TAFA2: variants seen among roughly 807,000 people sequenced by gnomAD.
The protein encoded by TAFA2 is TAFA chemokine like family member 2, also known as chemokine-like protein TAFA-2.
TAFA2 carries 7 observed loss-of-function variants against 18.8 expected under a neutral mutation model. That is an observed-to-expected ratio of 0.37 (90% confidence interval 0.21 to 0.70). The LOEUF is 0.70. Among genes scored for constraint, TAFA2 ranks in the 30% least tolerant of loss-of-function variants. TAFA2 has a pLI of 0.53. For synonymous variants in TAFA2, 60 were observed against 54.2 expected, an observed-to-expected ratio of 1.11 and a Z score of -0.47; for missense variants, 122 against 158.1, an observed-to-expected ratio of 0.77 and a Z score of 1.23.
chr12:61,770,401 A>G (rs1348800692), intron 2 of TAFA2, among the ~76,000 whole-genome samples: 1 of 152,116 alleles, frequency 6.6e-6, no homozygotes, highest in Non-Finnish European at 1.5e-5. Flanking sequence ...TGGGAAATTC[A>G]TTGCAAAAAG....
rs374390097 is a variant in TAFA2, at chr12:61,875,152, T to C, written c.-1-7726A>G. On this transcript the variant is annotated intron_variant, in intron 1 of 4. Transcript: ENST00000416284. ...TGTACAAATATTATTACATATAATA[T>C]TGTAATGTATGTAACGAAAGCTAAA... Among the ~76,000 whole-genome samples, 7 of 152,270 alleles carry C rather than the reference T, an allele frequency of 4.6e-5. No individual in the cohort carries two copies. In the East Asian group the frequency reaches 7.7e-4, roughly 17 times the overall value.
intron 1 of TAFA2, among the ~76,000 whole-genome samples, chr12:62,163,113 G>C (rs2062416482): frequency 1.3e-5 from 2 of 152,024 alleles, no homozygotes; most frequent in South Asian, 4.1e-4. Flanking sequence ...CAGGACAATA[G>C]ACAGAGAACC....
rs996112446 is a variant in TAFA2, at chr12:62,019,738, G to A, written c.-1-152312C>T. Among the ~76,000 whole-genome samples the A allele has an allele frequency of 2.0e-5, 3 of 151,670 alleles. No homozygotes were observed. The East Asian group carries it at 5.8e-4, about 29-fold the overall frequency. On this transcript the variant is annotated intron_variant, in intron 1 of 4. Coordinates refer to ENST00000416284, the MANE Select transcript of TAFA2 (RefSeq NM_178539.5). ...AATGTTAAATGACGAGTTAATGGGT[G>A]CAGCACACCAACATGGCACATGTAT...
chr12:61,941,251 A>C (rs180915140), intron 1 of TAFA2, among the ~76,000 whole-genome samples: 12 of 152,330 alleles, frequency 7.9e-5, no homozygotes, highest in Non-Finnish European at 1.3e-4. Context: ...CATGGTAAAA[A>C]AGTATTTTCG....
chr12:62,049,079 G>A (rs866036376), intron 1 of TAFA2, among the ~76,000 whole-genome samples: 3 of 152,184 alleles, frequency 2.0e-5, no homozygotes, highest in African/African-American at 7.2e-5. Context: ...ACTTTGATAA[G>A]TCTCATTAGG....
chr12:62,106,730 T>G (rs1244575081), intron 1 of TAFA2, among the ~76,000 whole-genome samples: 1 of 152,192 alleles, frequency 6.6e-6, no homozygotes, highest in Non-Finnish European at 1.5e-5. Context: ...CACTCGCCCC[T>G]AACATCCCAC....
intron 1 of TAFA2, among the ~76,000 whole-genome samples, chr12:62,186,876 G>A (rs963002209): frequency 2.6e-5 from 4 of 151,974 alleles, no homozygotes; most frequent in African/African-American, 9.7e-5. Flanking sequence ...TTTTCCAATG[G>A]CAATACCAAT....
chr12:62,080,350 G>T (rs943810220), intron 1 of TAFA2, among the ~76,000 whole-genome samples: 1 of 152,120 alleles, frequency 6.6e-6, no homozygotes, highest in Non-Finnish European at 1.5e-5. Flanking sequence ...TTTATTCACA[G>T]TTCTGGCCCA....
chr12:62,152,322 A>G lies in TAFA2; in HGVS notation c.-2+38937T>C, dbSNP rs575998916. The stretch of plus-strand genomic sequence containing the variant: ...GTTTCTTACACAGATAAAACAGCAC[A>G]GGCATAAGAAAACCCCCAGGAAGAT... On this transcript the variant is annotated intron_variant, in intron 1 of 4. Coordinates refer to ENST00000416284, the MANE Select transcript of TAFA2 (RefSeq NM_178539.5). Among the ~76,000 whole-genome samples, 9 of 152,346 alleles carry G rather than the reference A, an allele frequency of 5.9e-5. No individual in the cohort carries two copies. The East Asian group carries it at 1.7e-3, about 29-fold the overall frequency.
chr12:61,916,738 T>C (rs895850931), intron 1 of TAFA2, among the ~76,000 whole-genome samples: 4 of 152,172 alleles, frequency 2.6e-5, no homozygotes, highest in Non-Finnish European at 4.4e-5. Flanking sequence ...GAGCCACGAG[T>C]CAGAGTTAAT....
At chr12:62,222,678 T>TA (rs2062768560) in intron 1 of TAFA2, among the ~76,000 whole-genome samples, 1 of 151,102 alleles carries the variant, frequency 6.6e-6, no homozygotes, top group Non-Finnish European at 1.5e-5. Context: ...AGCTAATTTT[T>TA]TTTTTTTTTT....
intron 2 of TAFA2, among the ~76,000 whole-genome samples, chr12:61,767,700 A>G (rs1869850493): frequency 6.6e-6 from 1 of 152,122 alleles, no homozygotes; most frequent in African/African-American, 2.4e-5. Context: ...TCAGTAAGGA[A>G]CATCCAGGTT....
chr12:62,159,052 T>TTA (rs2062389705), intron 1 of TAFA2, among the ~76,000 whole-genome samples: 1 of 152,164 alleles, frequency 6.6e-6, no homozygotes, highest in African/African-American at 2.4e-5. Context: ...AAAAAAATCA[T>TTA]TAGAGTTCAG....
chr12:61,758,632 T>C (rs1869387077), intron 2 of TAFA2, among the ~76,000 whole-genome samples: 1 of 151,820 alleles, frequency 6.6e-6, no homozygotes, highest in Non-Finnish European at 1.5e-5. Context: ...GGGTCTGAAA[T>C]AGATACCTAA....
intron 2 of TAFA2, among the ~76,000 whole-genome samples, chr12:61,812,203 T>C (rs1871899781): frequency 6.6e-6 from 1 of 151,372 alleles, no homozygotes; most frequent in Admixed American, 6.6e-5. Flanking sequence ...CTTACAAGAA[T>C]AACTTAAACT....
chr12:62,157,267 A>AT (rs939325214), intron 1 of TAFA2, among the ~76,000 whole-genome samples: 27 of 151,818 alleles, frequency 1.8e-4, no homozygotes, highest in East Asian at 1.4e-3. Flanking sequence ...TGGGAAGAGG[A>AT]TTTTTTTTTA....
intron 1 of TAFA2, among the ~76,000 whole-genome samples, chr12:61,993,501 T>C (rs12817007): frequency 0.28 from 43,139 of 151,836 alleles, 7,127 homozygotes; most frequent in Non-Finnish European, 0.38. Flanking sequence ...GGTTAAATGA[T>C]GTATTACCTT....
At chr12:61,879,294 C>A in intron 1 of TAFA2, 1 of 451,678 alleles carries the variant, frequency 2.2e-6, no homozygotes, top group Non-Finnish European at 3.9e-6. Context: ...TTGGGGCCCA[C>A]CTGCTTCCAC....
At chr12:62,085,426 A>T (rs2136825610) in intron 1 of TAFA2, among the ~76,000 whole-genome samples, 1 of 152,324 alleles carries the variant, frequency 6.6e-6, no homozygotes, top group East Asian at 1.9e-4. Context: ...AAGCAAAAGT[A>T]GCAGAAGAAA....
Sources: gnomAD v4.1 joint callset for allele counts (sites outside exome capture counted in the v4.1 genomes callset) on GRCh38, gnomAD v4.1.1 for gene constraint, MANE v1.5 for transcripts, NCBI Gene and HGNC (gene_info 2026-07-23, HGNC 2026-07-21) for gene names.